The following EPM2A variants were observed in gnomAD, a reference collection of about 807,000 sequenced individuals.
EPM2A encodes the protein EPM2A glucan phosphatase, laforin.
EPM2A carries 21 observed loss-of-function variants against 26.5 expected under a neutral mutation model. The observed-to-expected ratio is 0.79, with a 90% confidence interval of 0.56 to 1.14. The LOEUF (loss-of-function observed/expected upper bound fraction) is 1.14, where lower values mean the gene tolerates loss of function less well. Among genes scored for constraint, EPM2A ranks in the 50% most tolerant of loss-of-function variants. The pLI is 0.00. For synonymous variants in EPM2A, 217 were observed against 177.6 expected, an observed-to-expected ratio of 1.22 and a Z score of -1.76; for missense variants, 458 against 440.8, an observed-to-expected ratio of 1.04 and a Z score of -0.35.
At chr6:145,673,039 G>C (rs911643285) in intron 2 of EPM2A, among the ~76,000 whole-genome samples, 1 of 151,822 alleles carries the variant, frequency 6.6e-6, no homozygotes, top group African/African-American at 2.4e-5. Flanking sequence ...TCTAATGTGA[G>C]CTATTGAGAC....
rs1216389057 is a variant in EPM2A at position 145,488,516 on chromosome 6, T to TGA, written c.555+14005_555+14006insTC. On this transcript the variant is annotated intron_variant, in intron 4 of 4. Coordinates refer to the EPM2A transcript ENST00000638717. ...GTGGTTGTGTGTGTGTGTGTGTGTG[T>TGA]GTGTGTGAGAGAGAGAGAGAGAGAG... Among the ~76,000 whole-genome samples the TGA allele has an allele frequency of 4.6e-3, 610 of 131,680 alleles. 2 individuals carry two copies. Among genetic ancestry groups the TGA allele is most frequent in the African/African-American group, 0.019 (582 of 29,994 alleles). 86.4% of individuals were successfully genotyped at this position (131,680 alleles called of 152,430 possible). A position where few individuals can be genotyped will look rare whatever the true frequency, so the allele number is the denominator to read the frequency against.
intron 2 of EPM2A, among the ~76,000 whole-genome samples, chr6:145,538,896 A>C (rs1339450417): frequency 2.6e-5 from 4 of 152,220 alleles, no homozygotes; most frequent in Non-Finnish European, 2.9e-5. Flanking sequence ...TAAAAGCTCA[A>C]GGGAACACAG....
At chr6:145,495,994 T>C (rs11155426) in intron 4 of EPM2A, among the ~76,000 whole-genome samples, 53,693 of 152,106 alleles carry the variant, frequency 0.35, 10,140 homozygotes, top group South Asian at 0.51. Flanking sequence ...AAGGCATGTC[T>C]GGTGCTTATC....
chr6:145,689,012 A>G (rs1303137252), intron 1 of EPM2A, among the ~76,000 whole-genome samples: 1 of 152,234 alleles, frequency 6.6e-6, no homozygotes, highest in Non-Finnish European at 1.5e-5. Context: ...GACTTACAAC[A>G]ATTGAATTAT....
chr6:145,716,173 C>A lies in EPM2A; in HGVS notation c.301+19025G>T, dbSNP rs79586824. On this transcript the variant is annotated intron_variant, in intron 1 of 3. Coordinates refer to ENST00000367519, the MANE Select transcript of EPM2A (RefSeq NM_005670.4). ...TCAAGTTTTGCTTTTTAGAATTTTG[C>A]GGAATTTTTTTCTGAATATTAGATT... Among the ~76,000 whole-genome samples the A allele has an allele frequency of 5.2e-3, 786 of 152,206 alleles. 1 individual carries two copies. Among genetic ancestry groups the A allele is most frequent in the Non-Finnish European group, 8.1e-3 (551 of 67,998 alleles).
chr6:145,542,348 T>C (rs192877102), intron 2 of EPM2A, among the ~76,000 whole-genome samples: 2 of 152,312 alleles, frequency 1.3e-5, no homozygotes, highest in Non-Finnish European at 2.9e-5. Context: ...CTTTTCCTGG[T>C]GGACAAGTGG....
At chr6:145,422,313 T>A (rs9399546) in intron 4 of EPM2A, among the ~76,000 whole-genome samples, 115,891 of 146,884 alleles carry the variant, frequency 0.79, 45,856 homozygotes, top group East Asian at 0.91. Context: ...ATATATATTT[T>A]TGTGTGTATA....
intron 1 of EPM2A, among the ~76,000 whole-genome samples, chr6:145,710,798 AT>A: frequency 6.6e-6 from 1 of 152,174 alleles, no homozygotes; most frequent in Non-Finnish European, 1.5e-5. Context: ...GCCACAAAAA[AT>A]AATGAGTTCA....
chr6:145,553,920 T>C (rs1042416910), intron 2 of EPM2A, among the ~76,000 whole-genome samples: 1 of 150,040 alleles, frequency 6.7e-6, no homozygotes, highest in African/African-American at 2.4e-5. Context: ...GAAATTCACA[T>C]TGGCATGGGC....
intron 2 of EPM2A, among the ~76,000 whole-genome samples, chr6:145,600,143 A>G (rs1180623991): frequency 6.6e-6 from 1 of 152,150 alleles, no homozygotes; most frequent in East Asian, 1.9e-4. Flanking sequence ...ATATCATCTG[A>G]AAATAGTAAC....
At chr6:145,679,305 T>A (rs1385703249) in intron 2 of EPM2A, among the ~76,000 whole-genome samples, 1 of 151,926 alleles carries the variant, frequency 6.6e-6, no homozygotes, top group African/African-American at 2.4e-5. Context: ...AAATACCTAA[T>A]GTAAATGACG....
chr6:145,450,476 G>GTA (rs1263712101), intron 4 of EPM2A, among the ~76,000 whole-genome samples: 4 of 151,906 alleles, frequency 2.6e-5, no homozygotes, highest in Non-Finnish European at 5.9e-5. Context: ...CAGCAGAACT[G>GTA]TATATGTATT....
chr6:145,579,007 G>T (rs1015486384), intron 2 of EPM2A, among the ~76,000 whole-genome samples: 3 of 152,036 alleles, frequency 2.0e-5, no homozygotes, highest in South Asian at 2.1e-4. Flanking sequence ...GTGGTGGGGT[G>T]GGGGGAATGG....
intron 2 of EPM2A, among the ~76,000 whole-genome samples, chr6:145,660,694 C>G (rs559421620): frequency 1.3e-5 from 2 of 152,144 alleles, no homozygotes; most frequent in East Asian, 1.9e-4. Context: ...CCCAGCTACT[C>G]GAGAGGCTGA....
chr6:145,671,884 G>A (rs1779672985), intron 2 of EPM2A, among the ~76,000 whole-genome samples: 1 of 152,094 alleles, frequency 6.6e-6, no homozygotes, highest in South Asian at 2.1e-4. Flanking sequence ...GAAAGAGTGT[G>A]AAGTGTGATG....
Position 145,545,181 on chromosome 6 carries a change from C to T in EPM2A, c.341-42606G>A, listed in dbSNP as rs1467043211. On this transcript the variant is annotated intron_variant, in intron 2 of 3. Transcript: ENST00000450221. Reference sequence around the variant, plus strand: ...TTCCTCCTTACATTCACTCTTATTACTTAGAAAGAGCTGCAGTGAAATCTC... The same window carrying T: ...TTCCTCCTTACATTCACTCTTATTATTTAGAAAGAGCTGCAGTGAAATCTC... Among the ~76,000 whole-genome samples the T allele has an allele frequency of 2.1e-5, 3 of 139,574 alleles. No individual in the cohort carries two copies. The East Asian group carries it at 6.1e-4, about 28-fold the overall frequency. 91.6% of individuals were successfully genotyped at this position (139,574 alleles called of 152,430 possible). A position where few individuals can be genotyped will look rare whatever the true frequency, so the allele number is the denominator to read the frequency against.
At chr6:145,692,533 C>A (rs1781341225) in intron 1 of EPM2A, among the ~76,000 whole-genome samples, 1 of 151,730 alleles carries the variant, frequency 6.6e-6, no homozygotes, top group Non-Finnish European at 1.5e-5. Context: ...AACTAGAAAT[C>A]AATAATAAAT....
chr6:145,567,989 C>T (rs1192222425), intron 2 of EPM2A, among the ~76,000 whole-genome samples: 2 of 152,172 alleles, frequency 1.3e-5, no homozygotes, highest in African/African-American at 4.8e-5. Flanking sequence ...ATTTACAATT[C>T]CTGTTTCCTG....
downstream of EPM2A, among the ~76,000 whole-genome samples, chr6:145,620,667 G>C (rs1240053898): frequency 6.6e-6 from 1 of 152,122 alleles, no homozygotes; most frequent in African/African-American, 2.4e-5. Flanking sequence ...TAATGACAAT[G>C]ACCTGTTCTG....
Sources: gnomAD v4.1 joint callset for allele counts (sites outside exome capture counted in the v4.1 genomes callset) on GRCh38, gnomAD v4.1.1 for gene constraint, MANE v1.5 for transcripts, NCBI Gene and HGNC (gene_info 2026-07-23, HGNC 2026-07-21) for gene names.